The following HOMER2 variants were observed in gnomAD, a reference collection of about 807,000 sequenced individuals.
The protein encoded by HOMER2 is homer protein homolog 2.
Under a neutral mutation model 47.0 loss-of-function variants are expected in HOMER2, and 27 were observed. The ratio of observed to expected loss-of-function variants is 0.57; its 90% CI spans 0.42 to 0.79. The LOEUF (loss-of-function observed/expected upper bound fraction) is 0.79. HOMER2 is among the 30% of genes least tolerant of loss of function. The pLI, the probability that HOMER2 is intolerant of heterozygous loss-of-function variation, is 0.00. For synonymous variants in HOMER2, 161 were observed against 163.8 expected (o/e 0.98, Z 0.13); for missense variants, 443 against 435.0 (o/e 1.02, Z -0.16).
At chr15:82,889,080 C>T (rs996613360) in intron 2 of HOMER2, among the ~76,000 whole-genome samples, 1 of 152,144 alleles carries the variant, frequency 6.6e-6, no homozygotes, top group Non-Finnish European at 1.5e-5. Context: ...GCCCAGCCAA[C>T]AGAGAGAGGC....
chr15:82,903,897 G>A (rs1441481692), intron 1 of HOMER2, among the ~76,000 whole-genome samples: 1 of 152,222 alleles, frequency 6.6e-6, no homozygotes, highest in Non-Finnish European at 1.5e-5. Context: ...AACACTTTGG[G>A]AGGCCAAGGC....
chr15:82,961,245 T>TC (rs1189966954), intron 1 of HOMER2, among the ~76,000 whole-genome samples: 11 of 152,212 alleles, frequency 7.2e-5, no homozygotes, highest in African/African-American at 2.7e-4. Flanking sequence ...TCTCTCACAG[T>TC]CCCCACTTAC....
At chr15:82,858,784 A>G (rs945801091) in intron 5 of HOMER2, among the ~76,000 whole-genome samples, 1 of 151,960 alleles carries the variant, frequency 6.6e-6, no homozygotes, top group East Asian at 1.9e-4. Context: ...ACATACTCAC[A>G]ATATCTCTCT....
chr15:82,929,435 C>G (rs1029300255), intron 1 of HOMER2, among the ~76,000 whole-genome samples: 1 of 151,990 alleles, frequency 6.6e-6, no homozygotes, highest in African/African-American at 2.4e-5. Context: ...GCGGGTGGAA[C>G]ACCTGAGGTC....
chr15:82,910,836 A>G (rs115897187), intron 1 of HOMER2, among the ~76,000 whole-genome samples: 2,401 of 152,246 alleles, frequency 0.016, 67 homozygotes, highest in African/African-American at 0.055. Flanking sequence ...GCAACGTAAC[A>G]GTGCCTAGTT....
At chr15:82,953,120 G>A (rs372426287), upstream of HOMER2, among the ~76,000 whole-genome samples, 1 of 152,188 alleles carries the variant, frequency 6.6e-6, no homozygotes, top group East Asian at 1.9e-4. Flanking sequence ...TCAGATTAGA[G>A]TTCGTTCGGG....
At chr15:82,956,784 CA>C (rs2054591069), upstream of HOMER2, among the ~76,000 whole-genome samples, 1 of 152,092 alleles carries the variant, frequency 6.6e-6, no homozygotes, top group African/African-American at 2.4e-5. Flanking sequence ...AAAATATGGA[CA>C]AGGCCTGGAG....
intron 2 of HOMER2, among the ~76,000 whole-genome samples, chr15:82,889,598 G>C (rs1425666823): frequency 6.6e-6 from 1 of 152,196 alleles, no homozygotes; most frequent in African/African-American, 2.4e-5. Flanking sequence ...GATCCATCTG[G>C]AGTATTCAGG....
At chr15:82,961,434 C>G (rs2054629486) in intron 1 of HOMER2, among the ~76,000 whole-genome samples, 1 of 152,244 alleles carries the variant, frequency 6.6e-6, no homozygotes. Flanking sequence ...CACATGCCAT[C>G]TCTCCATTTG....
chr15:82,923,616 G>GCAA (rs2053786081), intron 1 of HOMER2, among the ~76,000 whole-genome samples: 3 of 152,144 alleles, frequency 2.0e-5, no homozygotes, highest in African/African-American at 7.2e-5. Context: ...GCAAACAGCA[G>GCAA]CTCTTTGTTG....
At chr15:82,978,206 C>T (rs79105164) in intron 1 of HOMER2, among the ~76,000 whole-genome samples, 6,883 of 152,074 alleles carry the variant, frequency 0.045, 304 homozygotes, top group African/African-American at 0.12. Flanking sequence ...AAATATTAAC[C>T]GAGCACCAAC....
chr15:82,930,071 A>T (rs1235794939), intron 1 of HOMER2, among the ~76,000 whole-genome samples: 1 of 152,088 alleles, frequency 6.6e-6, no homozygotes, highest in African/African-American at 2.4e-5. Flanking sequence ...TTGGTTTTAG[A>T]CTTCAAGTTG....
chr15:82,895,058 C>G (rs959071910), intron 1 of HOMER2, among the ~76,000 whole-genome samples: 1 of 152,228 alleles, frequency 6.6e-6, no homozygotes, highest in Non-Finnish European at 1.5e-5. Context: ...TGAAGAAATG[C>G]AGCAATCTTC....
At chr15:82,849,954 T>A (rs1258222904) in intron 8 of HOMER2, 51 bp from the exon 9 acceptor site, 1 of 1,575,158 alleles carries the variant, frequency 6.3e-7, no homozygotes, top group Non-Finnish European at 8.7e-7. Flanking sequence ...ACGAGAGTCA[T>A]CCTTCAAAAC....
chr15:82,881,942 T>C (rs2052534440), intron 2 of HOMER2, among the ~76,000 whole-genome samples: 1 of 152,342 alleles, frequency 6.6e-6, no homozygotes, highest in Middle Eastern at 3.4e-3. Context: ...GGCAGGCAGT[T>C]TCTCATAAGG....
In HOMER2 at chr15:82,859,045, T is replaced by C. The variant is rs761040702; in HGVS notation, c.478A>G (p.Ile160Val). ...CAGCCTTACCTCTGCGTCAAGGCAATCTTCAGCTTGTCATTCTCAGACTTC... is the reference window on the plus strand; with the variant it reads ...CAGCCTTACCTCTGCGTCAAGGCAACCTTCAGCTTGTCATTCTCAGACTTC... The part of the protein sequence containing the change: ...HLKSENDKLK[I>V]ALTQSAANVK... Residue 160 changes from isoleucine (I) to valine (V), a missense_variant, in exon 5 of 9, where the codon ATT (isoleucine) becomes GTT (valine). Physicochemically the swap from Ile to Val is conservative, Grantham distance 29. Coordinates refer to ENST00000450735, the MANE Select transcript of HOMER2 (RefSeq NM_004839.4). 6.2e-7 allele frequency: 1 copy of C among 1,613,932 alleles called. No homozygotes were observed. The highest frequency in any genetic ancestry group is 8.5e-7 in the Non-Finnish European group (1 of 1,179,844).
chr15:82,879,569 T>C (rs1242567922), intron 2 of HOMER2, among the ~76,000 whole-genome samples: 5 of 152,258 alleles, frequency 3.3e-5, no homozygotes, highest in African/African-American at 9.6e-5. Context: ...ATAAAAACAA[T>C]CTGCATACCT....
rs1663259505 is a variant in HOMER2 at position 82,859,148 on chromosome 15, TG to T, written c.388-14del. On this transcript the variant is annotated splice_polypyrimidine_tract_variant and intron_variant, in intron 4 of 8. Transcript: ENST00000450735. The stretch of plus-strand genomic sequence containing the variant: ...TGACACTGGATGCCTGAGTAGAAGA[TG>T]GGGTTTCACGCCCAGATTCCTGGCC... The T allele has an allele frequency of 6.2e-7, 1 of 1,613,992 alleles. No individual in the cohort carries two copies. Among genetic ancestry groups the T allele is most frequent in the Non-Finnish European group, 8.5e-7 (1 of 1,179,888 alleles).
rs144964736 is a variant in HOMER2 at position 82,932,574 on chromosome 15, C to A, written c.5+19957G>T. ...CACCACACCCCAAGGCAATGCCATA[C>A]GGAACAGTATTCTCACACCACAGAG... On this transcript the variant is annotated intron_variant, in intron 1 of 8. Coordinates refer to ENST00000450735, the MANE Select transcript of HOMER2 (RefSeq NM_004839.4). 7.3e-5 allele frequency among the ~76,000 whole-genome samples: 11 copies of A among 151,662 alleles called. No homozygotes were observed. The East Asian group carries it at 1.9e-3, about 27-fold the overall frequency.
Sources: gnomAD v4.1 joint callset for allele counts (sites outside exome capture counted in the v4.1 genomes callset) on GRCh38, gnomAD v4.1.1 for gene constraint, MANE v1.5 for transcripts, NCBI Gene and HGNC (gene_info 2026-07-23, HGNC 2026-07-21) for gene names.